Variants in ANKRD62 observed in about 807,000 individuals in gnomAD.
The protein encoded by ANKRD62 is ankyrin repeat domain 62.
Under a neutral mutation model 98.8 loss-of-function variants are expected in ANKRD62, and 61 were observed. The ratio of observed to expected loss-of-function variants is 0.62; its 90% confidence interval spans 0.50 to 0.76. The LOEUF is 0.76. Among genes scored for constraint, ANKRD62 ranks in the 30% least tolerant of loss-of-function variants. The probability of loss-of-function intolerance (pLI) is 0.00; values close to 1 mark genes in which losing one functional copy is unlikely to be tolerated. For synonymous variants in ANKRD62, 341 were observed against 367.9 expected (o/e 0.93, Z 0.84); for missense variants, 933 against 1,082.9 (o/e 0.86, Z 1.94).
At chr18:12,160,171 C>G in the ANKRD62 span, among the ~76,000 whole-genome samples, 2 of 152,132 alleles carry the variant, frequency 1.3e-5, no homozygotes, top group Admixed American at 1.3e-4. Flanking sequence ...GGGTACAAAT[C>G]ATAGGGCTGC....
At chr18:12,171,509 T>C in the ANKRD62 span, among the ~76,000 whole-genome samples, 3 of 152,232 alleles carry the variant, frequency 2.0e-5, no homozygotes, top group Non-Finnish European at 4.4e-5. Flanking sequence ...AGAGATCCGC[T>C]GTTAGTGTGA....
chr18:12,106,699 T>C (rs1044848918), intron 7 of ANKRD62, among the ~76,000 whole-genome samples: 2 of 152,214 alleles, frequency 1.3e-5, no homozygotes, highest in Admixed American at 6.5e-5. Flanking sequence ...AACTCTAAAG[T>C]AGCATCTCAG....
At position 12,119,179 on chromosome 18, in the gene ANKRD62, A is replaced by T. The variant is rs12455085; in HGVS notation, c.1241-3124A>T. On this transcript the variant is annotated intron_variant, in intron 10 of 13. Transcript: ENST00000587848. ...TGTCATGTTTACACATAAAAATTAT[A>T]ATGTCACCTTGGTTTTTTTTTGTAT... Among the ~76,000 whole-genome samples the T allele has an allele frequency of 8.0e-3, 1,216 of 152,242 alleles. 65 individuals carry two copies. The highest frequency in any genetic ancestry group is 0.073 in the Admixed American group (1,111 of 15,280).
intron 8 of ANKRD62, among the ~76,000 whole-genome samples, chr18:12,112,548 TA>T (rs1909566837): frequency 6.6e-6 from 1 of 152,112 alleles, no homozygotes; most frequent in South Asian, 2.1e-4. Flanking sequence ...CCTTACACCA[TA>T]AACAAAAATT....
At chr18:12,140,880 C>A in the ANKRD62 span, among the ~76,000 whole-genome samples, 1 of 152,362 alleles carries the variant, frequency 6.6e-6, no homozygotes, top group East Asian at 1.9e-4. Context: ...CTCTTCAAAG[C>A]TGCCAGACAG....
intron 1 of ANKRD62, 64 bp downstream of exon 1, chr18:12,094,299 CG>C: frequency 2.5e-6 from 3 of 1,178,116 alleles, no homozygotes; most frequent in Non-Finnish European, 2.2e-6. Context: ...TTCCTGGTTT[CG>C]GGGTAGGGGA....
At chr18:12,165,988 T>C in the ANKRD62 span, among the ~76,000 whole-genome samples, 1 of 152,156 alleles carries the variant, frequency 6.6e-6, no homozygotes, top group Non-Finnish European at 1.5e-5. Flanking sequence ...CACTGAAAGC[T>C]TTCCATCTGC....
chr18:12,098,231 G>C (rs932656252), intron 5 of ANKRD62, among the ~76,000 whole-genome samples: 3 of 152,146 alleles, frequency 2.0e-5, no homozygotes, highest in Admixed American at 2.0e-4. Context: ...TTGGCCCCTC[G>C]AGTGATCTGT....
Position 12,125,133 on chromosome 18 carries a change from A to G in ANKRD62, c.1639-327A>G, listed in dbSNP as rs558540152. 8.5e-5 allele frequency among the ~76,000 whole-genome samples: 13 copies of G among 152,302 alleles called. No homozygotes were observed. The East Asian group carries it at 2.5e-3, about 29-fold the overall frequency. On this transcript the variant is annotated intron_variant, in intron 12 of 13. Transcript: ENST00000587848. ...GTAAACCCAGTTTCTAAATGTAATCATAGTTATTAATCATTTATGTTTTTG... is the reference window on the plus strand; with the variant it reads ...GTAAACCCAGTTTCTAAATGTAATCGTAGTTATTAATCATTTATGTTTTTG...
chr18:12,122,439 A>G lies in ANKRD62; in HGVS notation c.1377A>G (p.Val459=). The G allele has an allele frequency of 6.5e-7, 1 of 1,535,524 alleles. No homozygotes were observed. Among genetic ancestry groups the G allele is most frequent in the Non-Finnish European group, 8.7e-7 (1 of 1,146,632 alleles). ...MKNNISVLQK[V]LSETDKTKSQ... ...ATAATATTAGCGTACTACAAAAGGTACTATCTGAAACAGACAAAACCAAAT... is the reference window on the plus strand; with the variant it reads ...ATAATATTAGCGTACTACAAAAGGTGCTATCTGAAACAGACAAAACCAAAT... Residue 459 remains valine, a synonymous_variant, in exon 11 of 14, where the codon GTA becomes GTG. Transcript: ENST00000587848.
the ANKRD62 span, among the ~76,000 whole-genome samples, chr18:12,151,584 G>C: frequency 3.9e-5 from 6 of 151,960 alleles, no homozygotes; most frequent in African/African-American, 1.4e-4. Flanking sequence ...ACATACTCTT[G>C]AACCACAACA....
At chr18:12,166,389 C>T in the ANKRD62 span, among the ~76,000 whole-genome samples, 1 of 152,152 alleles carries the variant, frequency 6.6e-6, no homozygotes, top group Non-Finnish European at 1.5e-5. Context: ...CTGATCCTTT[C>T]TTCTGCTTTA....
At chr18:12,161,187 AC>A in the ANKRD62 span, among the ~76,000 whole-genome samples, 1 of 152,170 alleles carries the variant, frequency 6.6e-6, no homozygotes, top group East Asian at 1.9e-4. Context: ...GAGTCTTAAA[AC>A]ATTTGACGTA....
At chr18:12,174,595 G>A in the ANKRD62 span, among the ~76,000 whole-genome samples, 1 of 152,162 alleles carries the variant, frequency 6.6e-6, no homozygotes, top group East Asian at 1.9e-4. Flanking sequence ...AGTTGCCGTG[G>A]TTCTTTCACT....
chr18:12,118,954 T>A (rs1041920282), intron 10 of ANKRD62, among the ~76,000 whole-genome samples: 2 of 152,172 alleles, frequency 1.3e-5, no homozygotes, highest in Non-Finnish European at 2.9e-5. Context: ...GAGTTAGTGT[T>A]GAATTGTATT....
In ANKRD62 at chr18:12,107,414, C is replaced by A. The variant is rs1017178754; in HGVS notation, c.1011C>A (p.Asn337Lys). ...DVDELIHKIK[N>K]RKPDNHQSPG... is the part of the protein sequence containing the mutation. ...ATGAATTAATTCACAAAATAAAGAA[C>A]AGAAAACCTGATAATCATCAATCTC... The change falls in exon 8 of 14, where the codon AAC (asparagine) becomes AAA (lysine). Residue 337 changes from asparagine (N) to lysine (K), a missense_variant. This residue lies in a region of ANKRD62 where 549 missense variants were observed against 587.9 expected (regional missense o/e 0.93). Transcript: ENST00000587848. 1 of 1,518,116 alleles carries A rather than the reference C, an allele frequency of 6.6e-7. No individual in the cohort carries two copies. The highest frequency in any genetic ancestry group is 1.4e-5 in the African/African-American group (1 of 72,386). The allele number at this position is 1,518,116 out of a possible 1,614,324, so 94.0% of individuals were successfully genotyped here.
chr18:12,170,730 T>C, the ANKRD62 span, among the ~76,000 whole-genome samples: 1 of 152,190 alleles, frequency 6.6e-6, no homozygotes, highest in African/African-American at 2.4e-5. Flanking sequence ...GACAGTGGTG[T>C]GTTAAAGTCT....
the ANKRD62 span, among the ~76,000 whole-genome samples, chr18:12,161,785 C>A: frequency 2.0e-5 from 3 of 152,126 alleles, no homozygotes; most frequent in Admixed American, 6.6e-5. Flanking sequence ...CAATGTTTTT[C>A]TTTGCCTGGC....
At chr18:12,112,805 C>G (rs1230414064) in intron 8 of ANKRD62, among the ~76,000 whole-genome samples, 1 of 152,212 alleles carries the variant, frequency 6.6e-6, no homozygotes, top group Non-Finnish European at 1.5e-5. Context: ...GTTTTGCAAA[C>G]TATGCATCTG....
Sources: gnomAD v4.1 joint callset for allele counts (sites outside exome capture counted in the v4.1 genomes callset) on GRCh38, gnomAD v4.1.1 for gene constraint, gnomAD v4.1.1 regional missense constraint, MANE v1.5 for transcripts, NCBI Gene and HGNC (gene_info 2026-07-23, HGNC 2026-07-21) for gene names.